Variants in TMCC3 observed in about 807,000 individuals in gnomAD.
TMCC3 encodes transmembrane and coiled-coil domain protein 3.
TMCC3 carries 28 observed loss-of-function variants against 40.2 expected under a neutral mutation model. The ratio of observed to expected loss-of-function variants is 0.70; its 90% CI spans 0.52 to 0.95. The LOEUF (loss-of-function observed/expected upper bound fraction) is 0.95, where lower values mean the gene tolerates loss of function less well. Ranked by LOEUF, TMCC3 falls within the 40% of genes least tolerant of loss-of-function variation. The probability of loss-of-function intolerance (pLI) is 0.00; values close to 1 mark genes in which losing one functional copy is unlikely to be tolerated. For synonymous variants in TMCC3, 255 were observed against 248.5 expected (o/e 1.03, Z -0.25); for missense variants, 554 against 615.2 (o/e 0.90, Z 1.05).
In TMCC3 at chr12:94,650,375, C is replaced by T. The variant is rs1435119359; in HGVS notation, c.56G>A (p.Arg19Gln). 4 of 1,341,818 alleles carry T rather than the reference C, an allele frequency of 3.0e-6. No homozygotes were observed. Among genetic ancestry groups the T allele is most frequent in the South Asian group, 1.8e-5 (1 of 57,004 alleles). 83.1% of individuals were successfully genotyped at this position (1,341,818 alleles called of 1,614,324 possible). The stretch of plus-strand genomic sequence containing the variant: ...CACCCGGCTCTTGCAGCGGTGGTGC[C>T]GGCCGGGGTACGAGTAGGTCCGGTC... ...TVDRTYSYPG[R>Q]HHRCKSRVER... is the part of the protein sequence containing the mutation. The change falls in exon 1 of 4, where the codon CGG (arginine) becomes CAG (glutamine). Residue 19 changes from arginine to glutamine, a missense_variant. Coordinates refer to ENST00000261226, the MANE Select transcript of TMCC3 (RefSeq NM_020698.4).
intron 1 of TMCC3, chr12:94,615,858 C>T: frequency 1.1e-6 from 1 of 912,640 alleles, no homozygotes; most frequent in Non-Finnish European, 1.3e-6. Flanking sequence ...TATTAAAGAC[C>T]ACAAAGCTCC....
intron 1 of TMCC3, among the ~76,000 whole-genome samples, chr12:94,640,586 G>A (rs2068984222): frequency 6.6e-6 from 1 of 152,156 alleles, no homozygotes; most frequent in Non-Finnish European, 1.5e-5. Flanking sequence ...GTTTTAAGGA[G>A]ATAACTGATT....
chr12:94,620,225 G>A (rs1204403690), intron 1 of TMCC3, among the ~76,000 whole-genome samples: 3 of 151,524 alleles, frequency 2.0e-5, no homozygotes, highest in African/African-American at 7.3e-5. Context: ...ACAAGAAGCT[G>A]GAAAAAGACA....
intron 1 of TMCC3, among the ~76,000 whole-genome samples, chr12:94,642,748 G>T (rs1319223734): frequency 6.6e-6 from 1 of 152,204 alleles, no homozygotes; most frequent in African/African-American, 2.4e-5. Flanking sequence ...TCTCCCATCT[G>T]AACATTAACC....
At chr12:94,622,074 C>T (rs1310378893) in intron 1 of TMCC3, among the ~76,000 whole-genome samples, 1 of 152,214 alleles carries the variant, frequency 6.6e-6, no homozygotes. Context: ...TCGGATCACA[C>T]CATTTCTTGG....
chr12:94,595,117 G>A (rs2068707770), intron 1 of TMCC3, among the ~76,000 whole-genome samples: 1 of 152,130 alleles, frequency 6.6e-6, no homozygotes. Context: ...TAGAGTAACT[G>A]TTAGATCTGG....
Position 94,581,984 on chromosome 12 carries a change from C to A in TMCC3, c.633G>T (p.Arg211=), listed in dbSNP as rs2068605282. The A allele has an allele frequency of 1.2e-6, 2 of 1,614,228 alleles. No homozygotes were observed. Among genetic ancestry groups the A allele is most frequent in the African/African-American group, 2.7e-5 (2 of 75,054 alleles). ...NKSREFANLI[R]NKFGSADNIA... is the part of the protein sequence containing the mutation. ...TGTTGTCGGCGCTGCCAAACTTATT[C>A]CGGATCAGGTTGGCAAACTCTCTGG... Residue 211 remains arginine (R), a synonymous_variant, in exon 2 of 4, where the codon CGG becomes CGT. Transcript: ENST00000261226.
intron 1 of TMCC3, among the ~76,000 whole-genome samples, chr12:94,600,246 T>TG: frequency 6.7e-6 from 1 of 148,882 alleles, no homozygotes; most frequent in South Asian, 2.2e-4. Context: ...TCTGGTTTTT[T>TG]TTTTTTTTTT....
chr12:94,635,857 C>A (rs2138880512), intron 1 of TMCC3, among the ~76,000 whole-genome samples: 1 of 152,036 alleles, frequency 6.6e-6, no homozygotes, highest in South Asian at 2.1e-4. Context: ...TTAGTAGAGA[C>A]AGGGTTTCAC....
At chr12:94,575,674 AC>A (rs1322620114) in intron 3 of TMCC3, among the ~76,000 whole-genome samples, 2 of 152,232 alleles carry the variant, frequency 1.3e-5, no homozygotes, top group East Asian at 3.8e-4. Context: ...ACACAGAAGA[AC>A]AATATTAACC....
At chr12:94,584,719 G>A (rs977506915) in intron 1 of TMCC3, among the ~76,000 whole-genome samples, 3 of 151,886 alleles carry the variant, frequency 2.0e-5, no homozygotes, top group African/African-American at 7.3e-5. Flanking sequence ...TGTCATGAAG[G>A]AGAGACACTG....
rs2068580093 is a variant in TMCC3, at chr12:94,578,401, T to A, written c.1124A>T (p.Asp375Val). The A allele has an allele frequency of 6.2e-7, 1 of 1,613,740 alleles. No homozygotes were observed. The highest frequency in any genetic ancestry group is 8.5e-7 in the Non-Finnish European group (1 of 1,179,788). ...TCACAAAGGGAAAGGTACCTGGATG[T>A]CCCGCGAGCGCTCGTAGGCCTGGTA... ...VAYQAYERSR[D>V]IQEALESCQT... Residue 375 changes from aspartate to valine, a missense_variant, in exon 3 of 4, where the codon GAC becomes GTC. By Grantham distance (152) the Asp-to-Val change is radical. Coordinates refer to ENST00000261226, the MANE Select transcript of TMCC3 (RefSeq NM_020698.4).
intron 3 of TMCC3, among the ~76,000 whole-genome samples, chr12:94,575,932 C>A (rs2068562011): frequency 6.6e-6 from 1 of 152,050 alleles, no homozygotes; most frequent in Admixed American, 6.6e-5. Flanking sequence ...ATAGGCATGC[C>A]ACCATGTCCA....
chr12:94,589,001 T>C (rs12580383), intron 1 of TMCC3, among the ~76,000 whole-genome samples: 2,087 of 152,156 alleles, frequency 0.014, 58 homozygotes, highest in East Asian at 0.12. Context: ...TTTTGTATTT[T>C]TAGTAGAGAT....
intron 1 of TMCC3, among the ~76,000 whole-genome samples, chr12:94,623,001 T>TA: frequency 6.6e-6 from 1 of 152,220 alleles, no homozygotes; most frequent in South Asian, 2.1e-4. Flanking sequence ...GCAAAGAAGG[T>TA]AAAAAATATT....
At chr12:94,582,614 A>G (rs956313436) in intron 1 of TMCC3, 76 bp from the exon 2 acceptor site, 3 of 1,300,490 alleles carry the variant, frequency 2.3e-6, no homozygotes, top group Non-Finnish European at 2.1e-6. Context: ...CTATGCACAT[A>G]CAAGATACAT....
At chr12:94,582,848 C>T (rs970602536) in intron 1 of TMCC3, among the ~76,000 whole-genome samples, 2 of 152,086 alleles carry the variant, frequency 1.3e-5, no homozygotes, top group Non-Finnish European at 2.9e-5. Flanking sequence ...CCAGTCAGTC[C>T]CGGTCTCCCA....
chr12:94,601,330 C>T (rs1299919747), intron 1 of TMCC3, among the ~76,000 whole-genome samples: 1 of 152,068 alleles, frequency 6.6e-6, no homozygotes, highest in Non-Finnish European at 1.5e-5. Context: ...GGCTGGCCAA[C>T]ATGGTGAAAG....
chr12:94,635,144 C>A (rs553623908), intron 1 of TMCC3, among the ~76,000 whole-genome samples: 10 of 152,290 alleles, frequency 6.6e-5, no homozygotes, highest in East Asian at 5.8e-4. Flanking sequence ...GGAAACAGAT[C>A]GTTACCTACA....
Sources: allele counts gnomAD v4.1 joint callset (sites outside exome capture counted in the v4.1 genomes callset), GRCh38; gene constraint gnomAD v4.1.1; transcripts MANE v1.5; gene names NCBI Gene and HGNC (gene_info 2026-07-23, HGNC 2026-07-21).